CCDC178: variants seen among roughly 807,000 people sequenced by gnomAD.
CCDC178 encodes the protein coiled-coil domain-containing protein 178.
A neutral mutation model predicts 117.4 loss-of-function variants in CCDC178; 126 were observed. The observed-to-expected ratio is 1.07, with a 90% CI of 0.93 to 1.24. The LOEUF is 1.24. Among genes scored for constraint, CCDC178 ranks in the 50% most tolerant of loss-of-function variants. CCDC178 has a pLI of 0.00. For missense variants in CCDC178, 1,030 were observed against 986.9 expected (o/e 1.04, Z -0.59); for synonymous variants, 283 against 313.4 (o/e 0.90, Z 1.02).
chr18:32,955,525 G>A (rs1395116657), intron 22 of CCDC178, among the ~76,000 whole-genome samples: 1 of 151,954 alleles, frequency 6.6e-6, no homozygotes, highest in Non-Finnish European at 1.5e-5. Flanking sequence ...TTCTTAGCAG[G>A]AACTGAATCT....
chr18:33,004,795 T>A (rs1442762827), intron 21 of CCDC178, among the ~76,000 whole-genome samples: 1 of 152,034 alleles, frequency 6.6e-6, no homozygotes, highest in African/African-American at 2.4e-5. Context: ...GATTAAAACA[T>A]GAGCAAAAGA....
intron 2 of CCDC178, among the ~76,000 whole-genome samples, chr18:33,418,121 C>T (rs920626165): frequency 3.3e-5 from 5 of 152,164 alleles, no homozygotes; most frequent in Admixed American, 3.3e-4. Flanking sequence ...CCAAATTCAA[C>T]AGCACATCAA....
intron 22 of CCDC178, chr18:32,953,974 C>G (rs2054541897): frequency 6.6e-6 from 1 of 151,898 alleles, no homozygotes; most frequent in African/African-American, 2.4e-5. Flanking sequence ...TTTTTTTTCC[C>G]TAGCCTCACA....
At chr18:33,318,823 G>T (rs1220916628) in intron 11 of CCDC178, among the ~76,000 whole-genome samples, 1 of 152,140 alleles carries the variant, frequency 6.6e-6, no homozygotes, top group Admixed American at 6.5e-5. Context: ...AAAACTGAAA[G>T]TCAAATGGTC....
chr18:33,095,254 T>C (rs947712588), intron 20 of CCDC178, among the ~76,000 whole-genome samples: 1 of 151,992 alleles, frequency 6.6e-6, no homozygotes, highest in African/African-American at 2.4e-5. Flanking sequence ...CAATTATTAA[T>C]ACTTATTAAG....
intron 21 of CCDC178, among the ~76,000 whole-genome samples, chr18:32,975,490 C>T (rs996009742): frequency 6.6e-6 from 1 of 152,034 alleles, no homozygotes; most frequent in Non-Finnish European, 1.5e-5. Flanking sequence ...CACCAGTTAC[C>T]GTAGGCACGC....
At chr18:33,093,678 T>C (rs2057501647) in intron 20 of CCDC178, among the ~76,000 whole-genome samples, 1 of 151,866 alleles carries the variant, frequency 6.6e-6, no homozygotes, top group East Asian at 1.9e-4. Context: ...GTTTCTGATT[T>C]TTTTTTTTTA....
chr18:33,341,238 G>A (rs1348186054), intron 9 of CCDC178, among the ~76,000 whole-genome samples: 1 of 151,996 alleles, frequency 6.6e-6, no homozygotes. Flanking sequence ...CTTTTGTTTT[G>A]GCCAATCTCT....
intron 5 of CCDC178, among the ~76,000 whole-genome samples, chr18:33,371,542 C>T (rs1407726886): frequency 6.6e-6 from 1 of 151,796 alleles, no homozygotes; most frequent in Non-Finnish European, 1.5e-5. Context: ...GGAGTATAAG[C>T]TGTGAAGGCT....
At chr18:33,419,879 G>T (rs1057150224) in intron 2 of CCDC178, among the ~76,000 whole-genome samples, 2 of 151,394 alleles carry the variant, frequency 1.3e-5, no homozygotes, top group African/African-American at 4.8e-5. Flanking sequence ...ACTCAAAACA[G>T]AATTACCATT....
intron 18 of CCDC178, among the ~76,000 whole-genome samples, chr18:33,218,921 T>A (rs747878370): frequency 1.3e-5 from 2 of 152,078 alleles, no homozygotes; most frequent in South Asian, 2.1e-4. Context: ...CTTAGGATTG[T>A]CTTGGCAATG....
At chr18:33,344,499 G>C (rs1357594018) in intron 9 of CCDC178, among the ~76,000 whole-genome samples, 1 of 151,912 alleles carries the variant, frequency 6.6e-6, no homozygotes, top group South Asian at 2.1e-4. Context: ...AGTTCAAAAC[G>C]TATTTATTAA....
intron 14 of CCDC178, among the ~76,000 whole-genome samples, chr18:33,257,555 A>G (rs756765064): frequency 6.6e-6 from 1 of 152,044 alleles, no homozygotes; most frequent in East Asian, 1.9e-4. Context: ...ATTACTTTCA[A>G]TGCATTGACC....
chr18:33,265,670 A>C lies in CCDC178; in HGVS notation c.1409+1246T>G, dbSNP rs551798751. 8.1e-4 allele frequency among the ~76,000 whole-genome samples: 123 copies of C among 152,132 alleles called. 1 individual carries two copies. The highest frequency in any genetic ancestry group is 2.9e-3 in the African/African-American group (119 of 41,536). ...CTGTAGAAGCAGATGTGCCTATTCA[A>C]GGGACCTTGCAGGATATGTGGTGGG... On this transcript the variant is annotated intron_variant, in intron 14 of 22. Coordinates refer to ENST00000383096, the MANE Select transcript of CCDC178 (RefSeq NM_001105528.4).
rs566921508 is a variant in CCDC178, at chr18:33,001,203, G to A, written c.2389-26522C>T. ...TCAAGCCTCATGATAACCTCAAATC[G>A]AAAAACATACAAGTACATAGAAATA... On this transcript the variant is annotated intron_variant, in intron 21 of 22. Coordinates refer to ENST00000383096, the MANE Select transcript of CCDC178 (RefSeq NM_001105528.4). Among the ~76,000 whole-genome samples, 8 of 152,108 alleles carry A rather than the reference G, an allele frequency of 5.3e-5. No homozygotes were observed. The East Asian group carries it at 5.8e-4, about 11-fold the overall frequency.
intron 6 of CCDC178, among the ~76,000 whole-genome samples, chr18:33,361,550 G>T (rs1457318024): frequency 6.6e-6 from 1 of 151,292 alleles, no homozygotes; most frequent in Non-Finnish European, 1.5e-5. Context: ...AAAAATAATT[G>T]GAAACCACAT....
intron 21 of CCDC178, among the ~76,000 whole-genome samples, chr18:32,996,269 G>A (rs1376333926): frequency 4.0e-5 from 6 of 151,816 alleles, no homozygotes; most frequent in African/African-American, 1.4e-4. Flanking sequence ...ACTGAAATAT[G>A]TATAAAGTCC....
At chr18:33,258,314 C>G (rs2059703422) in intron 14 of CCDC178, among the ~76,000 whole-genome samples, 2 of 152,118 alleles carry the variant, frequency 1.3e-5, no homozygotes, top group Non-Finnish European at 2.9e-5. Flanking sequence ...GCAACACCGG[C>G]CTCCATTCTC....
intron 20 of CCDC178, among the ~76,000 whole-genome samples, chr18:33,144,798 G>A (rs2058249634): frequency 6.6e-6 from 1 of 152,164 alleles, no homozygotes; most frequent in Non-Finnish European, 1.5e-5. Context: ...GAAATGTAAT[G>A]AAAAGACTGA....
Sources: gnomAD v4.1 joint callset for allele counts (sites outside exome capture counted in the v4.1 genomes callset) on GRCh38, gnomAD v4.1.1 for gene constraint, MANE v1.5 for transcripts, NCBI Gene and HGNC (gene_info 2026-07-23, HGNC 2026-07-21) for gene names.